The following COL6A5 variants were observed in gnomAD, a reference collection of about 807,000 sequenced individuals.
COL6A5 encodes the protein collagen alpha-5(VI) chain.
In COL6A5, 48 loss-of-function variants were observed where a neutral mutation model predicts 65.6. The observed-to-expected ratio is 0.73, with a 90% CI of 0.58 to 0.93. COL6A5 has a LOEUF of 0.93. Ranked by LOEUF, COL6A5 falls within the 40% of genes least tolerant of loss-of-function variation. The probability of loss-of-function intolerance (pLI) is 0.00; values close to 1 mark genes in which losing one functional copy is unlikely to be tolerated. For synonymous variants in COL6A5, 291 were observed against 322.8 expected, an observed-to-expected ratio of 0.90 and a Z score of 1.05; for missense variants, 914 against 928.3, an observed-to-expected ratio of 0.98 and a Z score of 0.20.
rs1394705190 is a variant in COL6A5, at chr3:130,395,301, T to C, written c.3404T>C (p.Ile1135Thr). Reference sequence around the variant, plus strand: ...GTAAAAACCCTGAAGGACCTTGGAATTTGTGTCCTGGTTTTGGGCATAGGA... The same window carrying C: ...GTAAAAACCCTGAAGGACCTTGGAACTTGTGTCCTGGTTTTGGGCATAGGA... Residue 1135 changes from isoleucine to threonine, a missense_variant and NMD_transcript_variant, in exon 8 of 42, where the codon ATT (isoleucine) becomes ACT (threonine). Transcript: ENST00000312481. 1.5e-5 allele frequency: 23 copies of C among 1,551,464 alleles called. No homozygotes were observed. In the East Asian group the frequency reaches 5.6e-4, roughly 38 times the overall value.
chr3:130,410,078 A>G lies in COL6A5; in HGVS notation c.4608+4A>G. The G allele has an allele frequency of 6.5e-7, 1 of 1,543,840 alleles. No individual in the cohort carries two copies. The highest frequency in any genetic ancestry group is 8.8e-7 in the Non-Finnish European group (1 of 1,140,324). Reference sequence around the variant, plus strand: ...CAAAGGAGAACAAGGAAGACAAGTAATTTGATCTGTTTTATCTATGAGTTG... The same window carrying G: ...CAAAGGAGAACAAGGAAGACAAGTAGTTTGATCTGTTTTATCTATGAGTTG... On this transcript the variant is annotated splice_donor_region_variant and intron_variant and NMD_transcript_variant, in intron 19 of 41. Transcript: ENST00000312481.
intron 1 of COL6A5, among the ~76,000 whole-genome samples, chr3:130,352,135 C>A (rs1934743538): frequency 1.3e-5 from 2 of 151,942 alleles, no homozygotes; most frequent in East Asian, 3.9e-4. Flanking sequence ...GGGCGGGGAA[C>A]ATCACACACT....
intron 12 of COL6A5, among the ~76,000 whole-genome samples, chr3:130,402,879 AAAAG>A (rs1936862250): frequency 6.6e-6 from 1 of 152,204 alleles, no homozygotes; most frequent in Admixed American, 6.5e-5. Flanking sequence ...TTCTTTAAAA[AAAAG>A]AGATCAACAA....
At chr3:130,470,556 T>TAAAAAA (rs1559920041) in intron 6 of COL6A5, among the ~76,000 whole-genome samples, 13 of 152,080 alleles carry the variant, frequency 8.5e-5, no homozygotes, top group African/African-American at 3.1e-4. Context: ...AAACATTTTT[T>TAAAAAA]AAAAAATAGT....
chr3:130,379,276 T>G lies in COL6A5; in HGVS notation c.668-142T>G, dbSNP rs1252348628. The G allele has an allele frequency of 5.0e-6, 4 of 792,272 alleles. No homozygotes were observed. The East Asian group carries it at 1.1e-4, about 22-fold the overall frequency. The allele number at this position is 792,272 out of a possible 1,614,324, so 49.1% of individuals were successfully genotyped here. ...AGTCTTGTTTAGAATTTTGATTTTT[T>G]GTTCACTAAAAGAAAACGATGCTGT... On this transcript the variant is annotated intron_variant and NMD_transcript_variant, in intron 3 of 41. Transcript: ENST00000312481.
intron 7 of COL6A5, chr3:130,477,113 G>A: frequency 6.8e-7 from 1 of 1,465,752 alleles, no homozygotes; most frequent in Non-Finnish European, 9.2e-7. Context: ...TTTCGTCATA[G>A]TGATTCATAC....
At chr3:130,479,882 G>A (rs1416121203) in intron 7 of COL6A5, among the ~76,000 whole-genome samples, 1 of 152,004 alleles carries the variant, frequency 6.6e-6, no homozygotes, top group Non-Finnish European at 1.5e-5. Flanking sequence ...ATAGCCATTT[G>A]ATAAATTTGA....
chr3:130,367,071 G>A (rs1935367822), intron 1 of COL6A5, among the ~76,000 whole-genome samples: 1 of 152,196 alleles, frequency 6.6e-6, no homozygotes, highest in Non-Finnish European at 1.5e-5. Context: ...TCTATAAGCA[G>A]CAGTGTTGGA....
chr3:130,425,364 G>T (rs1937583623), intron 29 of COL6A5, among the ~76,000 whole-genome samples: 1 of 152,124 alleles, frequency 6.6e-6, no homozygotes, highest in Non-Finnish European at 1.5e-5. Flanking sequence ...CGACATCCCT[G>T]GTTGAACCTC....
intron 25 of COL6A5, among the ~76,000 whole-genome samples, chr3:130,420,188 G>C (rs981613056): frequency 6.6e-6 from 1 of 151,880 alleles, no homozygotes; most frequent in South Asian, 2.1e-4. Flanking sequence ...GGAAGAGAGA[G>C]AAGGAAAGAA....
chr3:130,398,009 AC>A lies in COL6A5; in HGVS notation c.3910-19del, dbSNP rs34834922. On this transcript the variant is annotated intron_variant and NMD_transcript_variant, in intron 9 of 41. Transcript: ENST00000312481. ...ATTATATATTTAGCTTTTACACCAT[AC>A]CATTTTCTTATTTCTCCAGGTGCTG... The A allele has an allele frequency of 2.3e-3, 3,633 of 1,547,118 alleles. 84 individuals are homozygous for A. The African/African-American group carries it at 0.043, about 18-fold the overall frequency.
chr3:130,406,518 C>T (rs988789741), intron 17 of COL6A5, among the ~76,000 whole-genome samples, 197 bp downstream of exon 17: 2 of 152,022 alleles, frequency 1.3e-5, no homozygotes, highest in Non-Finnish European at 1.5e-5. Flanking sequence ...AGAATTTCCA[C>T]CTAGAAAAAT....
At chr3:130,423,728 T>G (rs1937554014) in intron 28 of COL6A5, 110 bp from the exon 29 acceptor site, 3 of 688,546 alleles carry the variant, frequency 4.4e-6, no homozygotes, top group Non-Finnish European at 7.0e-6. Context: ...AATTAATAGC[T>G]GCTATCTTTT....
chr3:130,423,893 G>A, exon 29 of COL6A5: 9 of 1,548,834 alleles, frequency 5.8e-6, no homozygotes, highest in Non-Finnish European at 7.9e-6. Flanking sequence ...GGCCCTCCTG[G>A]ACAGAGAGTA....
At chr3:130,426,760 C>G (rs1208238833), upstream of COL6A5, among the ~76,000 whole-genome samples, 1 of 151,332 alleles carries the variant, frequency 6.6e-6, no homozygotes. Flanking sequence ...GGGTTTGGGA[C>G]TAGTCGGTTA....
rs1029061574 is a variant in COL6A5 at position 130,470,891 on chromosome 3, A to G, written c.2254A>G (p.Thr752Ala). The stretch of plus-strand genomic sequence containing the variant: ...TCCAGGTGCCATCAACAAATATCCC[A>G]CCGAAGATATGAAAGCCACATGTGT... The change falls in exon 7 of 8, where the codon ACC becomes GCC. Residue 752 changes from threonine (T) to alanine (A), a missense_variant. Coordinates refer to ENST00000512836, the Ensembl canonical transcript of COL6A5. 1.2e-6 allele frequency: 2 copies of G among 1,612,186 alleles called. No individual in the cohort carries two copies. Among genetic ancestry groups the G allele is most frequent in the Non-Finnish European group, 1.7e-6 (2 of 1,178,946 alleles).
At chr3:130,404,900 T>C (rs997104178) in intron 13 of COL6A5, among the ~76,000 whole-genome samples, 2 of 152,244 alleles carry the variant, frequency 1.3e-5, no homozygotes, top group African/African-American at 2.4e-5. Flanking sequence ...AGGGACACGA[T>C]GGTGAAAGAC....
chr3:130,441,845 C>T (rs1225568594), intron 3 of COL6A5, among the ~76,000 whole-genome samples: 1 of 152,162 alleles, frequency 6.6e-6, no homozygotes, highest in Non-Finnish European at 1.5e-5. Context: ...TGTTGAGAAA[C>T]ACTTCTCCAT....
chr3:130,416,778 G>T, exon 24 of COL6A5: 1 of 1,535,676 alleles, frequency 6.5e-7, no homozygotes, highest in Non-Finnish European at 8.8e-7. Flanking sequence ...GCTAATGGGA[G>T]CTAAAGGGAG....
Sources: allele counts gnomAD v4.1 joint callset (sites outside exome capture counted in the v4.1 genomes callset), GRCh38; gene constraint gnomAD v4.1.1; transcripts MANE v1.5; gene names NCBI Gene and HGNC (gene_info 2026-07-23, HGNC 2026-07-21).